CAPZB: variants seen among roughly 807,000 people sequenced by gnomAD.
The protein encoded by CAPZB is capping actin protein of muscle Z-line subunit beta.
In CAPZB, 2 loss-of-function variants were observed where a neutral mutation model predicts 38.1. The observed-to-expected ratio is 0.05, with a 90% confidence interval of 0.02 to 0.17. The LOEUF (loss-of-function observed/expected upper bound fraction) is 0.17. Ranked by LOEUF, CAPZB falls within the 10% of genes least tolerant of loss-of-function variation. CAPZB has a pLI of 1.00. For synonymous variants in CAPZB, 107 were observed against 127.4 expected, an observed-to-expected ratio of 0.84 and a Z score of 1.08; for missense variants, 161 against 334.2, an observed-to-expected ratio of 0.48 and a Z score of 4.04.
chr1:19,441,879 A>C (rs553507879), intron 1 of CAPZB, among the ~76,000 whole-genome samples: 1 of 152,080 alleles, frequency 6.6e-6, no homozygotes, highest in African/African-American at 2.4e-5. Flanking sequence ...GTGGTGGTGG[A>C]TGCCTTGTAA....
At chr1:19,484,626 C>T in intron 1 of CAPZB, 1 of 1,179,422 alleles carries the variant, frequency 8.5e-7, no homozygotes, top group Non-Finnish European at 1.1e-6. Context: ...CCCCTCGCTC[C>T]CCAAAGGCTG....
intron 1 of CAPZB, among the ~76,000 whole-genome samples, chr1:19,441,859 T>C (rs905721446): frequency 2.0e-5 from 3 of 151,780 alleles, no homozygotes; most frequent in Admixed American, 1.3e-4. Context: ...AGTACAAAAA[T>C]TAGCTGGGCG....
intron 6 of CAPZB, 27 bp from the exon 7 acceptor site, chr1:19,345,279 CAG>C: frequency 6.3e-7 from 1 of 1,578,714 alleles, no homozygotes; most frequent in Non-Finnish European, 8.7e-7. Flanking sequence ...CATTCCAAGT[CAG>C]AGAAAGCCAG....
Position 19,394,022 on chromosome 1 carries a change from A to G in CAPZB, c.94-8396T>C, listed in dbSNP as rs547797828. Among the ~76,000 whole-genome samples, 4 of 152,286 alleles carry G rather than the reference A, an allele frequency of 2.6e-5. No individual in the cohort carries two copies. The South Asian group carries it at 8.3e-4, about 32-fold the overall frequency. On this transcript the variant is annotated intron_variant, in intron 2 of 8. Transcript: ENST00000264202. Reference sequence around the variant, plus strand: ...TTTTTTGTTTTGTTTTGTTTTTGAGACGAAGTCTCGCTCTGTTGCCCAGGC... The same window carrying G: ...TTTTTTGTTTTGTTTTGTTTTTGAGGCGAAGTCTCGCTCTGTTGCCCAGGC...
Position 19,339,440 on chromosome 1 carries a change from G to A in CAPZB, c.*90C>T. The A allele has an allele frequency of 2.2e-6, 2 of 917,422 alleles. No homozygotes were observed. The highest frequency in any genetic ancestry group is 1.8e-6 in the Non-Finnish European group (1 of 546,144). 56.8% of individuals were successfully genotyped at this position (917,422 alleles called of 1,614,324 possible). ...GCTGTTATGTGACCTGTCGGGGAGG[G>A]AAGGGACGAGGGAAGGGAGCAGAAA... On this transcript the variant is annotated 3_prime_UTR_variant, in exon 9 of 9. Coordinates refer to ENST00000264202, the MANE Select transcript of CAPZB (RefSeq NM_004930.5).
intron 1 of CAPZB, among the ~76,000 whole-genome samples, chr1:19,480,394 GAC>G (rs1274398252): frequency 1.3e-5 from 2 of 152,176 alleles, no homozygotes; most frequent in African/African-American, 4.8e-5. Context: ...CCGCCTCACT[GAC>G]AGTCACATGC....
intron 1 of CAPZB, among the ~76,000 whole-genome samples, chr1:19,429,236 T>A (rs1241775974): frequency 6.6e-6 from 1 of 151,680 alleles, no homozygotes; most frequent in African/African-American, 2.4e-5. Flanking sequence ...TCTAATCTGC[T>A]ATGAGGTTGA....
At chr1:19,485,306 C>G in intron 1 of CAPZB, 130 bp downstream of exon 1, 1 of 587,774 alleles carries the variant, frequency 1.7e-6, no homozygotes, top group Non-Finnish European at 2.5e-6. Context: ...CCGGGTCCAC[C>G]CAGGGTCCGG....
rs993248607 is a variant in CAPZB, at chr1:19,339,134, A to G, written c.*396T>C. The G allele has an allele frequency of 5.4e-5, 10 of 183,692 alleles. No homozygotes were observed. Among genetic ancestry groups the G allele is most frequent in the Non-Finnish European group, 4.5e-5 (4 of 88,248 alleles). 11.4% of individuals were successfully genotyped at this position (183,692 alleles called of 1,614,324 possible). On this transcript the variant is annotated 3_prime_UTR_variant, in exon 9 of 9. Transcript: ENST00000264202. ...TTCCAGTTTTTCTTCTCTCTTTCAC[A>G]CACCACAGTTAGTTCATAAAATTTT...
intron 2 of CAPZB, among the ~76,000 whole-genome samples, chr1:19,398,777 C>T (rs1259032432): frequency 2.6e-5 from 4 of 151,932 alleles, no homozygotes; most frequent in African/African-American, 4.8e-5. Flanking sequence ...GCAGTTAGGG[C>T]AGGTCGCAAA....
intron 1 of CAPZB, among the ~76,000 whole-genome samples, chr1:19,456,428 A>AT (rs1454063311): frequency 6.6e-6 from 1 of 152,204 alleles, no homozygotes; most frequent in African/African-American, 2.4e-5. Context: ...ATCCCACAAG[A>AT]TAATCTCTGG....
At chr1:19,443,771 T>C (rs1039016885) in intron 1 of CAPZB, among the ~76,000 whole-genome samples, 3 of 152,164 alleles carry the variant, frequency 2.0e-5, no homozygotes, top group African/African-American at 7.2e-5. Context: ...GCAGATGCTG[T>C]GTGTGGCCGC....
chr1:19,393,320 G>A (rs1302925282), intron 2 of CAPZB, among the ~76,000 whole-genome samples: 2 of 152,206 alleles, frequency 1.3e-5, no homozygotes, highest in East Asian at 3.9e-4. Flanking sequence ...CAGAGACTCA[G>A]GCAAGTGGTA....
intron 1 of CAPZB, among the ~76,000 whole-genome samples, chr1:19,465,839 A>C (rs555394175): frequency 1.3e-5 from 2 of 152,310 alleles, no homozygotes; most frequent in East Asian, 3.9e-4. Flanking sequence ...GCTACGACTC[A>C]TTTGACGTGC....
intron 2 of CAPZB, among the ~76,000 whole-genome samples, chr1:19,392,530 A>T (rs1001410094): frequency 4.9e-3 from 93 of 18,860 alleles, no homozygotes; most frequent in Admixed American, 0.012. Flanking sequence ...TTAAGAATTA[A>T]AAAAAAAAAA....
intron 6 of CAPZB, among the ~76,000 whole-genome samples, chr1:19,346,857 CTT>C (rs2093964410): frequency 3.2e-5 from 4 of 123,134 alleles, no homozygotes; most frequent in South Asian, 2.6e-4. Context: ...GAGTTTCGCT[CTT>C]GTCGCCCAGG....
intron 1 of CAPZB, among the ~76,000 whole-genome samples, chr1:19,452,970 A>AT (rs1257937713): frequency 6.6e-6 from 1 of 150,440 alleles, no homozygotes; most frequent in East Asian, 1.9e-4. Context: ...TGCCCAACTA[A>AT]TTTTTTTTAT....
At chr1:19,349,860 C>T (rs1045864712) in intron 6 of CAPZB, among the ~76,000 whole-genome samples, 5 of 152,194 alleles carry the variant, frequency 3.3e-5, no homozygotes, top group Admixed American at 3.3e-4. Flanking sequence ...CCTTGCCCGC[C>T]CCTGCTCACT....
chr1:19,466,901 G>GT (rs201393471), intron 1 of CAPZB, among the ~76,000 whole-genome samples: 82 of 151,472 alleles, frequency 5.4e-4, no homozygotes, highest in Middle Eastern at 3.4e-3. Context: ...TCAGGCCAAA[G>GT]TTTTTTGTTT....
Sources: gnomAD v4.1 joint callset for allele counts (sites outside exome capture counted in the v4.1 genomes callset) on GRCh38, gnomAD v4.1.1 for gene constraint, MANE v1.5 for transcripts, NCBI Gene and HGNC (gene_info 2026-07-23, HGNC 2026-07-21) for gene names.